The following MECOM variants were observed in gnomAD, a reference collection of about 807,000 sequenced individuals.
MECOM encodes the protein histone-lysine N-methyltransferase MECOM.
In MECOM, 13 loss-of-function variants were observed where a neutral mutation model predicts 116.3. That is an observed-to-expected ratio of 0.11 (90% CI 0.07 to 0.18). The LOEUF (loss-of-function observed/expected upper bound fraction) is 0.18. Among genes scored for constraint, MECOM ranks in the 10% least tolerant of loss-of-function variants. MECOM has a pLI of 1.00. For synonymous variants in MECOM, 528 were observed against 535.2 expected, an observed-to-expected ratio of 0.99 and a Z score of 0.19; for missense variants, 1,299 against 1,509.0, an observed-to-expected ratio of 0.86 and a Z score of 2.31.
At chr3:169,270,538 A>G (rs1377339712) in intron 2 of MECOM, among the ~76,000 whole-genome samples, 2 of 152,132 alleles carry the variant, frequency 1.3e-5, no homozygotes, top group Non-Finnish European at 2.9e-5. Context: ...GAAAACTGTT[A>G]TAACCCTTTC....
chr3:169,655,618 T>C (rs1775451724), intron 1 of MECOM, among the ~76,000 whole-genome samples: 1 of 152,216 alleles, frequency 6.6e-6, no homozygotes. Flanking sequence ...AGAACAAATT[T>C]ACTGCCTAGT....
intron 1 of MECOM, among the ~76,000 whole-genome samples, chr3:169,577,027 G>T (rs1764598564): frequency 6.6e-6 from 1 of 152,054 alleles, no homozygotes; most frequent in Non-Finnish European, 1.5e-5. Flanking sequence ...TTTAGTGTAG[G>T]GTAAAGAGCA....
chr3:169,495,504 T>G (rs1425768051), intron 1 of MECOM, among the ~76,000 whole-genome samples: 1 of 152,212 alleles, frequency 6.6e-6, no homozygotes, highest in Non-Finnish European at 1.5e-5. Flanking sequence ...TTCTTTTGCA[T>G]AATAGAAGAG....
chr3:169,605,205 G>C (rs182000460), intron 1 of MECOM, among the ~76,000 whole-genome samples: 191 of 152,222 alleles, frequency 1.3e-3, no homozygotes, highest in African/African-American at 4.4e-3. Flanking sequence ...TGCCTCCCAA[G>C]TAACTGCCAG....
At chr3:169,568,419 G>C (rs1052124229) in intron 1 of MECOM, among the ~76,000 whole-genome samples, 1 of 151,702 alleles carries the variant, frequency 6.6e-6, no homozygotes, top group Non-Finnish European at 1.5e-5. Flanking sequence ...CAAGTGGTCT[G>C]GCTCAGCAGA....
chr3:169,328,541 C>T (rs1332066718), intron 2 of MECOM, among the ~76,000 whole-genome samples: 1 of 152,128 alleles, frequency 6.6e-6, no homozygotes, highest in Admixed American at 6.5e-5. Context: ...GAAAAGGAAG[C>T]TATTAGTTTG....
intron 1 of MECOM, among the ~76,000 whole-genome samples, chr3:169,601,141 C>T (rs1358704075): frequency 6.6e-6 from 1 of 152,216 alleles, no homozygotes; most frequent in East Asian, 1.9e-4. Context: ...GGTGGTAAGG[C>T]ACCTACACTT....
chr3:169,571,647 T>C (rs1334289976), intron 1 of MECOM, among the ~76,000 whole-genome samples: 1 of 152,124 alleles, frequency 6.6e-6, no homozygotes, highest in Admixed American at 6.6e-5. Flanking sequence ...AACAGATATA[T>C]AGACCAATGG....
At chr3:169,606,374 G>T (rs1206744116) in intron 1 of MECOM, among the ~76,000 whole-genome samples, 1 of 148,722 alleles carries the variant, frequency 6.7e-6, no homozygotes, top group East Asian at 2.0e-4. Flanking sequence ...GATCACACCT[G>T]CACTTCAGCC....
rs538766550 is a variant in MECOM, at chr3:169,239,402, A to G, written c.376-95570T>C. ...AAATTAAATACAGGAATTATTTTGT[A>G]GATACCACTGATATATTGGACATAC... On this transcript the variant is annotated intron_variant, in intron 2 of 16. Coordinates refer to ENST00000651503, the MANE Select transcript of MECOM (RefSeq NM_004991.4). Among the ~76,000 whole-genome samples, 6 of 152,174 alleles carry G rather than the reference A, an allele frequency of 3.9e-5. No individual in the cohort carries two copies. The South Asian group carries it at 1.2e-3, about 32-fold the overall frequency.
intron 1 of MECOM, among the ~76,000 whole-genome samples, chr3:169,612,856 G>A (rs7626686): frequency 0.48 from 72,762 of 151,958 alleles, 17,547 homozygotes; most frequent in East Asian, 0.58. Flanking sequence ...CCCCACAAGA[G>A]AAAGGGTTAG....
intron 1 of MECOM, among the ~76,000 whole-genome samples, chr3:169,438,731 T>C (rs1380446137): frequency 6.6e-6 from 1 of 152,156 alleles, no homozygotes; most frequent in Non-Finnish European, 1.5e-5. Flanking sequence ...CGTGAAGAAA[T>C]GTTTCAGGTA....
At chr3:169,643,693 A>T (rs1007906454) in intron 1 of MECOM, among the ~76,000 whole-genome samples, 6 of 152,234 alleles carry the variant, frequency 3.9e-5, no homozygotes, top group Admixed American at 2.0e-4. Flanking sequence ...GCATCATGAC[A>T]ACTCTGGCCT....
rs765287147 is a variant in MECOM, at chr3:169,122,554, C to T, written c.978+26G>A. The T allele has an allele frequency of 2.5e-6, 4 of 1,613,434 alleles. No homozygotes were observed. The South Asian group carries it at 4.4e-5, about 18-fold the overall frequency. The stretch of plus-strand genomic sequence containing the variant: ...GAGAGAGCAGGATGACATAGAGAGG[C>T]CAAGTAGCCTACAAATTCACTGTAC... On this transcript the variant is annotated intron_variant, in intron 6 of 16. Transcript: ENST00000651503.
chr3:169,660,609 T>C (rs1011581638), intron 1 of MECOM, among the ~76,000 whole-genome samples: 1 of 152,110 alleles, frequency 6.6e-6, no homozygotes, highest in African/African-American at 2.4e-5. Flanking sequence ...CATTGTAATG[T>C]TTTCTCTTGC....
intron 1 of MECOM, among the ~76,000 whole-genome samples, chr3:169,659,440 ATTTTTTTTTTTTTTTTT>A (rs56270349): frequency 8.0e-5 from 5 of 62,148 alleles, no homozygotes; most frequent in African/African-American, 2.5e-4. Context: ...CTAAACACAG[ATTTTTTTTTTTTTTTTT>A]TTTTTTTTTT....
intron 1 of MECOM, among the ~76,000 whole-genome samples, chr3:169,511,708 G>A (rs934401214): frequency 1.3e-5 from 2 of 151,988 alleles, no homozygotes; most frequent in East Asian, 1.9e-4. Context: ...GGCGGAGGTT[G>A]TAGTGAGCCG....
intron 2 of MECOM, among the ~76,000 whole-genome samples, chr3:169,211,184 A>G (rs1046695341): frequency 6.6e-6 from 1 of 152,054 alleles, no homozygotes; most frequent in Non-Finnish European, 1.5e-5. Context: ...CTATTTCCCA[A>G]CGTGGCAGTA....
At chr3:169,353,704 C>A (rs1726776403) in intron 2 of MECOM, among the ~76,000 whole-genome samples, 1 of 151,698 alleles carries the variant, frequency 6.6e-6, no homozygotes, top group South Asian at 2.1e-4. Context: ...ATGAAGATAA[C>A]CTTATTTTTT....
Sources: gnomAD v4.1 joint callset for allele counts (sites outside exome capture counted in the v4.1 genomes callset) on GRCh38, gnomAD v4.1.1 for gene constraint, MANE v1.5 for transcripts, NCBI Gene and HGNC (gene_info 2026-07-23, HGNC 2026-07-21) for gene names.